The following CHCHD6 variants were observed in gnomAD, a reference collection of about 807,000 sequenced individuals.
CHCHD6 encodes the protein coiled-coil-helix-coiled-coil-helix domain containing 6.
In CHCHD6, 28 loss-of-function variants were observed where a neutral mutation model predicts 32.3. That is an observed-to-expected ratio of 0.87 (90% CI 0.64 to 1.19). CHCHD6 has a LOEUF of 1.19. Among genes scored for constraint, CHCHD6 ranks in the 50% most tolerant of loss-of-function variants. The pLI, the probability that CHCHD6 is intolerant of heterozygous loss-of-function variation, is 0.00. For missense variants in CHCHD6, 333 were observed against 307.0 expected, an observed-to-expected ratio of 1.08 and a Z score of -0.63; for synonymous variants, 122 against 117.5, an observed-to-expected ratio of 1.04 and a Z score of -0.25.
chr3:126,809,116 C>T (rs1270338200), intron 4 of CHCHD6, among the ~76,000 whole-genome samples: 2 of 152,116 alleles, frequency 1.3e-5, no homozygotes. Context: ...GGATTACAGG[C>T]ATATGCCACC....
chr3:126,934,058 G>A (rs531821107), intron 6 of CHCHD6, among the ~76,000 whole-genome samples: 8 of 152,340 alleles, frequency 5.3e-5, no homozygotes, highest in South Asian at 4.1e-4. Flanking sequence ...CTGGGCTCAA[G>A]GTCTGAGAAC....
chr3:126,886,567 C>G (rs1482755851), intron 5 of CHCHD6, among the ~76,000 whole-genome samples: 1 of 152,220 alleles, frequency 6.6e-6, no homozygotes, highest in Non-Finnish European at 1.5e-5. Flanking sequence ...GGGACTCATT[C>G]CCATTGTGAC....
At chr3:126,737,197 G>A (rs1258642416) in intron 4 of CHCHD6, among the ~76,000 whole-genome samples, 1 of 151,952 alleles carries the variant, frequency 6.6e-6, no homozygotes, top group Non-Finnish European at 1.5e-5. Flanking sequence ...GTGCATGCCT[G>A]GAATCCCAGC....
intron 1 of CHCHD6, among the ~76,000 whole-genome samples, chr3:126,711,563 G>A (rs1934749079): frequency 6.6e-6 from 1 of 152,196 alleles, no homozygotes; most frequent in Admixed American, 6.5e-5. Context: ...TCACTTAAAG[G>A]CAGTGTGGGA....
intron 1 of CHCHD6, among the ~76,000 whole-genome samples, chr3:126,707,243 G>A (rs1006230028): frequency 6.7e-6 from 1 of 150,248 alleles, no homozygotes; most frequent in African/African-American, 2.5e-5. Flanking sequence ...TCCAGCCTGG[G>A]TGACAGAGAC....
intron 6 of CHCHD6, among the ~76,000 whole-genome samples, chr3:126,930,031 T>C (rs995911984): frequency 1.4e-4 from 22 of 152,166 alleles, no homozygotes; most frequent in African/African-American, 4.8e-4. Flanking sequence ...ATCCAACCCA[T>C]GTTATTTCTT....
chr3:126,729,430 A>G (rs1935682084), intron 2 of CHCHD6, among the ~76,000 whole-genome samples: 2 of 152,250 alleles, frequency 1.3e-5, no homozygotes. Context: ...GATGAGTGCC[A>G]CATGCTCTAC....
chr3:126,852,577 C>T, intron 4 of CHCHD6, 70 bp from the exon 5 acceptor site: 1 of 1,127,804 alleles, frequency 8.9e-7, no homozygotes, highest in South Asian at 1.3e-5. Flanking sequence ...ATGTCCGTCG[C>T]CTTCTCCCTG....
intron 4 of CHCHD6, among the ~76,000 whole-genome samples, chr3:126,777,744 G>A (rs768347089): frequency 4.6e-5 from 7 of 152,202 alleles, no homozygotes; most frequent in Admixed American, 1.3e-4. Flanking sequence ...AAAGCTTAAA[G>A]AAAACTGGTT....
chr3:126,707,973 C>T (rs2107648517), intron 1 of CHCHD6, among the ~76,000 whole-genome samples: 1 of 152,302 alleles, frequency 6.6e-6, no homozygotes, highest in East Asian at 1.9e-4. Flanking sequence ...GAGACCTCAG[C>T]CCAGTAGGGA....
At chr3:126,899,784 G>A (rs1259239313) in intron 5 of CHCHD6, among the ~76,000 whole-genome samples, 1 of 152,242 alleles carries the variant, frequency 6.6e-6, no homozygotes, top group Non-Finnish European at 1.5e-5. Flanking sequence ...GCAGCCGAGA[G>A]GAAAACCATG....
At chr3:126,800,733 C>T (rs1238846932) in intron 4 of CHCHD6, among the ~76,000 whole-genome samples, 1 of 152,202 alleles carries the variant, frequency 6.6e-6, no homozygotes, top group Non-Finnish European at 1.5e-5. Flanking sequence ...GCATCATACT[C>T]AAGACAGGCT....
chr3:126,774,751 A>G (rs984585002), intron 4 of CHCHD6, among the ~76,000 whole-genome samples: 2 of 152,170 alleles, frequency 1.3e-5, no homozygotes, highest in African/African-American at 4.8e-5. Context: ...TTTGCTGGTG[A>G]GGGTGGCAGT....
At chr3:126,874,080 G>A (rs531601297) in intron 5 of CHCHD6, among the ~76,000 whole-genome samples, 2 of 152,278 alleles carry the variant, frequency 1.3e-5, no homozygotes, top group South Asian at 4.1e-4. Context: ...GCCATGTCGG[G>A]TCCCCTCCAG....
intron 6 of CHCHD6, among the ~76,000 whole-genome samples, chr3:126,922,894 A>G (rs1266042292): frequency 6.6e-6 from 1 of 152,218 alleles, no homozygotes; most frequent in Non-Finnish European, 1.5e-5. Context: ...GGGAATGGAA[A>G]GTCAAAACAA....
chr3:126,873,235 C>T (rs943961097), intron 5 of CHCHD6, among the ~76,000 whole-genome samples: 1 of 152,192 alleles, frequency 6.6e-6, no homozygotes, highest in African/African-American at 2.4e-5. Context: ...AGACCGCAGG[C>T]CTATTTGCTC....
intron 4 of CHCHD6, among the ~76,000 whole-genome samples, chr3:126,828,104 C>T (rs1940479623): frequency 6.6e-6 from 1 of 152,186 alleles, no homozygotes; most frequent in Non-Finnish European, 1.5e-5. Context: ...CCTCTCCTTC[C>T]CACCATGACG....
chr3:126,837,691 A>C (rs1250983143), intron 4 of CHCHD6, among the ~76,000 whole-genome samples: 1 of 152,192 alleles, frequency 6.6e-6, no homozygotes, highest in South Asian at 2.1e-4. Flanking sequence ...TTATAGATTC[A>C]TGCCTGGTTG....
intron 1 of CHCHD6, among the ~76,000 whole-genome samples, chr3:126,717,330 A>T (rs1314538227): frequency 6.6e-6 from 1 of 152,110 alleles, no homozygotes; most frequent in African/African-American, 2.4e-5. Flanking sequence ...TCATGACCTT[A>T]TATTGGGTCA....
Sources: allele counts gnomAD v4.1 joint callset (sites outside exome capture counted in the v4.1 genomes callset), GRCh38; gene constraint gnomAD v4.1.1; transcripts MANE v1.5; gene names NCBI Gene and HGNC (gene_info 2026-07-23, HGNC 2026-07-21).